Variants in KIF21A observed in about 807,000 individuals in gnomAD.
KIF21A encodes the protein kinesin family member 21A.
In KIF21A, 114 loss-of-function variants were observed where a neutral mutation model predicts 202.9. The observed-to-expected ratio is 0.56, with a 90% CI of 0.48 to 0.66. KIF21A has a LOEUF of 0.66. Among genes scored for constraint, KIF21A ranks in the 30% least tolerant of loss-of-function variants. The probability of loss-of-function intolerance (pLI) is 0.00; values close to 1 mark genes in which losing one functional copy is unlikely to be tolerated. For synonymous variants in KIF21A, 667 were observed against 670.8 expected, an observed-to-expected ratio of 0.99 and a Z score of 0.09; for missense variants, 1,677 against 1,994.9, an observed-to-expected ratio of 0.84 and a Z score of 3.04.
At chr12:39,389,642 T>C (rs920166813) in intron 1 of KIF21A, among the ~76,000 whole-genome samples, 4 of 152,310 alleles carry the variant, frequency 2.6e-5, no homozygotes, top group African/African-American at 9.6e-5. Context: ...ATCTTTTCCA[T>C]TAAGCTCCAA....
chr12:39,441,945 G>A (rs533914295), intron 1 of KIF21A, among the ~76,000 whole-genome samples: 1 of 152,234 alleles, frequency 6.6e-6, no homozygotes, highest in Non-Finnish European at 1.5e-5. Context: ...TCAGAGCTGT[G>A]AAAGCCACGC....
Position 39,366,340 on chromosome 12 carries a change from T to C in KIF21A, c.903+10A>G. On this transcript the variant is annotated intron_variant, in intron 6 of 37. Coordinates refer to ENST00000361418, the MANE Select transcript of KIF21A (RefSeq NM_001173464.2). ...TCTGATATATTCTCAGCACAAAGCC[T>C]TAATCTTACAAGTCCACAGTTGATA... 6.2e-7 allele frequency: 1 copy of C among 1,612,044 alleles called. No individual in the cohort carries two copies. The highest frequency in any genetic ancestry group is 8.5e-7 in the Non-Finnish European group (1 of 1,178,138).
intron 28 of KIF21A, among the ~76,000 whole-genome samples, chr12:39,319,442 G>A (rs1944960866): frequency 6.6e-6 from 1 of 152,080 alleles, no homozygotes; most frequent in Non-Finnish European, 1.5e-5. Flanking sequence ...AAACATGAGA[G>A]AGCAACAAGA....
chr12:39,369,122 C>T (rs1592376537), intron 3 of KIF21A, among the ~76,000 whole-genome samples: 1 of 152,180 alleles, frequency 6.6e-6, no homozygotes. Context: ...GTTCCCACCA[C>T]TCTGTAAGCC....
chr12:39,442,796 C>G lies in KIF21A; in HGVS notation c.44+131G>C. 8.4e-7 allele frequency: 1 copy of G among 1,186,412 alleles called. No individual in the cohort carries two copies. Among genetic ancestry groups the G allele is most frequent in the Non-Finnish European group, 1.2e-6 (1 of 848,866 alleles). 73.5% of individuals were successfully genotyped at this position (1,186,412 alleles called of 1,614,324 possible). ...CGGGGACTCACTGCCTCAGTTTCCT[C>G]AGCCGCAGAACCCGGCCGGGACGCC... On this transcript the variant is annotated intron_variant, in intron 1 of 37. Coordinates refer to ENST00000361418, the MANE Select transcript of KIF21A (RefSeq NM_001173464.2). The surrounding 1 kb of genome is among the most constrained non-coding windows in gnomAD (Gnocchi z 5.0).
At chr12:39,325,741 G>T in intron 26 of KIF21A, 98 bp downstream of exon 26, 1 of 843,308 alleles carries the variant, frequency 1.2e-6, no homozygotes, top group South Asian at 1.4e-5. Flanking sequence ...ATGCCCTCTT[G>T]CTAATCTATT....
At chr12:39,380,062 G>T (rs2139404892) in intron 1 of KIF21A, among the ~76,000 whole-genome samples, 1 of 152,294 alleles carries the variant, frequency 6.6e-6, no homozygotes, top group South Asian at 2.1e-4. Context: ...CCGCCTCCCA[G>T]GTTCAGGCAA....
chr12:39,359,039 T>G (rs1949008016), intron 7 of KIF21A, among the ~76,000 whole-genome samples: 1 of 152,122 alleles, frequency 6.6e-6, no homozygotes, highest in Non-Finnish European at 1.5e-5. Context: ...GACATGGAGA[T>G]TCTAACAGAC....
rs1440073077 is a variant in KIF21A at position 39,296,011 on chromosome 12, T to TTTTG, written c.4932-1498_4932-1495dup. ...CTGCGTCCACCCTGGGATATGGTTTTTTTGTTTGTTTGTTAAAAAAAAAAA... is the reference window on the plus strand; with the variant it reads ...CTGCGTCCACCCTGGGATATGGTTTTTTTGTTTGTTTGTTTGTTAAAAAAAAAAA... On this transcript the variant is annotated intron_variant, in intron 37 of 37. Coordinates refer to ENST00000361418, the MANE Select transcript of KIF21A (RefSeq NM_001173464.2). Among the ~76,000 whole-genome samples the TTTTG allele has an allele frequency of 4.1e-5, 6 of 144,926 alleles. No homozygotes were observed. In the South Asian group the frequency reaches 1.3e-3, roughly 32 times the overall value.
rs1199269373 is a variant in KIF21A, at chr12:39,370,014, C to G, written c.267+25G>C. On this transcript the variant is annotated intron_variant, in intron 2 of 37. Coordinates refer to ENST00000361418, the MANE Select transcript of KIF21A (RefSeq NM_001173464.2). ...TTAACATTTCTGAAAAGTTTCAACT[C>G]CTATGAAAATAATATGGCACTTACT... 2.5e-6 allele frequency: 4 copies of G among 1,601,084 alleles called. No individual in the cohort carries two copies. The Admixed American group carries it at 6.7e-5, about 27-fold the overall frequency.
intron 2 of KIF21A, 25 bp from the exon 3 acceptor site, chr12:39,369,936 TAGTGTTCAAC>T (rs1320873928): frequency 6.2e-7 from 1 of 1,606,464 alleles, no homozygotes; most frequent in Admixed American, 1.7e-5. Flanking sequence ...AGAGAAAGAT[TAGTGTTCAAC>T]CTTAACATAA....
intron 3 of KIF21A, among the ~76,000 whole-genome samples, chr12:39,369,087 C>T (rs1949786625): frequency 6.6e-6 from 1 of 152,128 alleles, no homozygotes; most frequent in South Asian, 2.1e-4. Context: ...CACATACTTC[C>T]CCTACTTTTG....
intron 1 of KIF21A, among the ~76,000 whole-genome samples, chr12:39,377,381 T>C (rs1950334960): frequency 6.6e-6 from 1 of 152,184 alleles, no homozygotes; most frequent in South Asian, 2.1e-4. Flanking sequence ...ACAGCTATCA[T>C]TTTGTCATCA....
At position 39,332,416 on chromosome 12, in the gene KIF21A, G is replaced by A. The variant is rs1208883613; in HGVS notation, c.2857-8C>T. ...TGTGAGTTCCTCCCGTTGCTATTGA[G>A]AAAGCAGGTTGGATTTTAAGAAATT... On this transcript the variant is annotated splice_polypyrimidine_tract_variant and splice_region_variant and intron_variant, in intron 20 of 37. Transcript: ENST00000361418. The A allele has an allele frequency of 6.2e-7, 1 of 1,613,208 alleles. No individual in the cohort carries two copies. The highest frequency in any genetic ancestry group is 8.5e-7 in the Non-Finnish European group (1 of 1,179,370).
intron 1 of KIF21A, among the ~76,000 whole-genome samples, chr12:39,388,574 T>TC (rs1409309888): frequency 6.6e-6 from 1 of 152,172 alleles, no homozygotes; most frequent in Non-Finnish European, 1.5e-5. Context: ...GGAGCCTTAG[T>TC]CCCCAGCACT....
intron 1 of KIF21A, among the ~76,000 whole-genome samples, chr12:39,424,037 T>C (rs1457345787): frequency 1.4e-5 from 2 of 140,764 alleles, no homozygotes; most frequent in Non-Finnish European, 3.1e-5. Context: ...AACTACTTCA[T>C]CTTCCCACTC....
chr12:39,296,071 C>CTT (rs34130884), intron 37 of KIF21A, among the ~76,000 whole-genome samples: 7 of 109,460 alleles, frequency 6.4e-5, no homozygotes, highest in Non-Finnish European at 9.2e-5. Flanking sequence ...TTGGGATACG[C>CTT]TTTTTTTTTT....
chr12:39,355,466 C>G (rs1948695345), intron 10 of KIF21A, among the ~76,000 whole-genome samples: 1 of 151,568 alleles, frequency 6.6e-6, no homozygotes. Context: ...AGAGACGCAG[C>G]CTAAGAGCAG....
chr12:39,366,984 G>T, intron 5 of KIF21A, 46 bp downstream of exon 5: 1 of 1,536,104 alleles, frequency 6.5e-7, no homozygotes, highest in South Asian at 1.1e-5. Flanking sequence ...TGTGGTTTTA[G>T]GGAGATAAAA....
Sources: allele counts gnomAD v4.1 joint callset (sites outside exome capture counted in the v4.1 genomes callset), GRCh38; gene constraint gnomAD v4.1.1; non-coding constraint Gnocchi (gnomAD v3.1); transcripts MANE v1.5; gene names NCBI Gene and HGNC (gene_info 2026-07-23, HGNC 2026-07-21).